LAMB2: variants seen among roughly 807,000 people sequenced by gnomAD.
The protein encoded by LAMB2 is laminin subunit beta 2.
A neutral mutation model predicts 202.7 loss-of-function variants in LAMB2; 119 were observed. That is an observed-to-expected ratio of 0.59 (90% CI 0.51 to 0.68). The LOEUF (loss-of-function observed/expected upper bound fraction) is 0.68. Ranked by LOEUF, LAMB2 falls within the 30% of genes least tolerant of loss-of-function variation. The probability of loss-of-function intolerance (pLI) is 0.00; values close to 1 mark genes in which losing one functional copy is unlikely to be tolerated. For synonymous variants in LAMB2, 818 were observed against 902.2 expected (o/e 0.91, Z 1.67); for missense variants, 2,124 against 2,410.6 (o/e 0.88, Z 2.49).
Position 49,128,695 on chromosome 3 carries a change from A to G in LAMB2, c.1856T>C (p.Met619Thr). 1.9e-6 allele frequency: 3 copies of G among 1,614,204 alleles called. No individual in the cohort carries two copies. Among genetic ancestry groups the G allele is most frequent in the South Asian group, 1.1e-5 (1 of 91,088 alleles). ...TAAGCGCAGCAGCAGGTCATAGTCC[A>G]TAGCCTTCGGCACAGAGGCCACCAG... ...EFLVASVPKAMDYDLLLRLEP... is the reference protein window; with the variant it reads ...EFLVASVPKATDYDLLLRLEP... Residue 619 changes from methionine to threonine, a missense_variant, in exon 14 of 32, where the codon ATG becomes ACG. Transcript: ENST00000305544.
Position 49,129,628 on chromosome 3 carries a change from A to T in LAMB2, c.1494T>A (p.Thr498=). ...CCAGGCAGCGGTCACATCCACGTCC[A>T]GTCACTAGACGTTTGCAGTAACAGG... The part of the protein sequence containing the change: ...SGSCYCKRLV[T]GRGCDRCLPG... The change falls in exon 11 of 32, where the codon ACT becomes ACA. Residue 498 remains threonine, a synonymous_variant. Coordinates refer to ENST00000305544, the MANE Select transcript of LAMB2 (RefSeq NM_002292.4). The surrounding 1 kb of genome is among the most constrained non-coding windows in gnomAD (Gnocchi z 6.1). 6.2e-7 allele frequency: 1 copy of T among 1,614,050 alleles called. No homozygotes were observed. Among genetic ancestry groups the T allele is most frequent in the Non-Finnish European group, 8.5e-7 (1 of 1,179,900 alleles).
rs1289170459 is a variant in LAMB2, at chr3:49,131,245, C to A, written c.713-93G>T. On this transcript the variant is annotated intron_variant, in intron 6 of 31. Transcript: ENST00000305544. The surrounding 1 kb of genome is among the most constrained non-coding windows in gnomAD (Gnocchi z 5.0). ...CAGCTGCCAAGGTCACCTTGAAAGA[C>A]CTCCTATACACTGCCACCCGAGCTA... The A allele has an allele frequency of 1.4e-6, 2 of 1,474,222 alleles. No homozygotes were observed. Among genetic ancestry groups the A allele is most frequent in the African/African-American group, 2.8e-5 (2 of 71,776 alleles). 91.3% of individuals were successfully genotyped at this position (1,474,222 alleles called of 1,614,324 possible). A position where few individuals can be genotyped will look rare whatever the true frequency, so the allele number is the denominator to read the frequency against.
Position 49,122,893 on chromosome 3 carries a change from C to A in LAMB2, c.4384G>T (p.Glu1462Ter), listed in dbSNP as rs759732293. 2 of 1,610,228 alleles carry A rather than the reference C, an allele frequency of 1.2e-6. No homozygotes were observed. The highest frequency in any genetic ancestry group is 1.7e-6 in the Non-Finnish European group (2 of 1,180,012). Reference protein sequence around the residue: ...ALGRARHTQAELQRALAEGGS... With the variant: ...ALGRARHTQA The stretch of plus-strand genomic sequence containing the variant: ...CCTTCTGCCAGTGCCCGCTGCAGCT[C>A]TGCCTGTGTGTGCCGGGCCCGGCCC... Residue 1462 changes from glutamate (E) to a stop codon, truncating the protein, a stop_gained, in exon 27 of 32, where the codon GAG (glutamate) becomes TAG (stop). Transcript: ENST00000305544. LOFTEE classifies it high-confidence loss of function.
Position 49,132,299 on chromosome 3 carries a change from C to T in LAMB2, c.356G>A (p.Arg119Gln), listed in dbSNP as rs752886136. The change falls in exon 3 of 32, where the codon CGG becomes CAG. Residue 119 changes from arginine (R) to glutamine (Q), a missense_variant. This residue lies in a region of LAMB2 where 166 missense variants were observed against 158.2 expected (regional missense o/e 1.05). Transcript: ENST00000305544. The surrounding 1 kb of genome is among the most constrained non-coding windows in gnomAD (Gnocchi z 4.6). The stretch of plus-strand genomic sequence containing the variant: ...CTCTGACTGCCACCAGGCTGCCCGC[C>T]GCTGTGGTGCAAAGCTGGTGACTAC... ...QNVVTSFAPQRRAAWWQSENG... is the reference protein window; with the variant it reads ...QNVVTSFAPQQRAAWWQSENG... The T allele has an allele frequency of 2.5e-6, 4 of 1,614,250 alleles. No homozygotes were observed. The highest frequency in any genetic ancestry group is 1.1e-5 in the South Asian group (1 of 91,086).
At position 49,121,803 on chromosome 3, in the gene LAMB2, G is replaced by T. The variant is rs746299540; in HGVS notation, c.4981C>A (p.Arg1661=). The T allele has an allele frequency of 6.2e-7, 1 of 1,613,036 alleles. No individual in the cohort carries two copies. Reference sequence around the variant, plus strand: ...GCCTCCAGGAGAGCATCCAACTGCCGAGCCCTTTCACCTGCAGAGCTCAGT... The same window carrying T: ...GCCTCCAGGAGAGCATCCAACTGCCTAGCCCTTTCACCTGCAGAGCTCAGT... ...RALSSAGERA[R]QLDALLEALK... is the part of the protein sequence containing the mutation. The change falls in exon 30 of 32, where the codon CGG becomes AGG. Residue 1661 remains arginine, a synonymous_variant. Transcript: ENST00000305544.
intron 15 of LAMB2, among the ~76,000 whole-genome samples, chr3:49,128,018 C>CAAAAAAAAAAAAAAAAAAAAAAAAAAAA (rs1156873652): frequency 3.4e-4 from 11 of 32,780 alleles, no homozygotes; most frequent in Middle Eastern, 0.017. Context: ...GACTCCGTCT[C>CAAAAAAAAAAAAAAAAAAAAAAAAAAAA]AAAAAAAAAA....
At position 49,121,197 on chromosome 3, in the gene LAMB2, T is replaced by G. The variant is rs1310637791; in HGVS notation, c.*29A>C. The stretch of plus-strand genomic sequence containing the variant: ...GGCAGACATGCATGTGGGGCAGTGC[T>G]AGGAACTGGGGTAGGCCTTGGGCAG... On this transcript the variant is annotated 3_prime_UTR_variant, in exon 32 of 32. Coordinates refer to ENST00000305544, the MANE Select transcript of LAMB2 (RefSeq NM_002292.4). 1 of 1,611,706 alleles carries G rather than the reference T, an allele frequency of 6.2e-7. No individual in the cohort carries two copies. Among genetic ancestry groups the G allele is most frequent in the Non-Finnish European group, 8.5e-7 (1 of 1,179,916 alleles).
rs772817511 is a variant in LAMB2, at chr3:49,123,487, G to A, written c.3942C>T (p.Leu1314=). Residue 1314 remains leucine, a synonymous_variant, in exon 25 of 32, where the codon CTC becomes CTT. Transcript: ENST00000305544. ...GTTTGAGCAAGTCAAGATGCTGGTC[G>A]AGCTGCCGCAGTGTGAGATTAAGTG... is the stretch of plus-strand genomic sequence containing the variant. ...RLALNLTLRQ[L]DQHLDLLKHS... The A allele has an allele frequency of 3.8e-5, 62 of 1,614,048 alleles. No homozygotes were observed. The highest frequency in any genetic ancestry group is 4.9e-5 in the Non-Finnish European group (58 of 1,180,054).
Position 49,124,397 on chromosome 3 carries a change from C to G in LAMB2, c.3325G>C (p.Glu1109Gln). ...PSRARGPTCN[E>Q]FTGQCHCRAG... ...GGATCTGCAGGAGGGTCCCATACCT[C>G]GTTGCAGGTGGGGCCTCTGGCCCGG... The change falls in exon 22 of 32, where the codon GAG becomes CAG. Residue 1109 changes from glutamate (E) to glutamine (Q), a missense_variant and splice_region_variant. Physicochemically the swap from Glu to Gln is conservative, Grantham distance 29. Coordinates refer to ENST00000305544, the MANE Select transcript of LAMB2 (RefSeq NM_002292.4). The G allele has an allele frequency of 6.2e-7, 1 of 1,613,520 alleles. No homozygotes were observed. The highest frequency in any genetic ancestry group is 1.1e-5 in the South Asian group (1 of 91,078).
rs1553778039 is a variant in LAMB2, at chr3:49,124,530, C to T, written c.3192G>A (p.Gln1064=). Residue 1064 remains glutamine, a synonymous_variant, in exon 22 of 32, where the codon CAG becomes CAA. Coordinates refer to ENST00000305544, the MANE Select transcript of LAMB2 (RefSeq NM_002292.4). The part of the protein sequence containing the change: ...DQCHCDPSSG[Q]CPCLPNVQGP... ...CCTGGACATTGGGGAGGCATGGGCA[C>T]TGCCCACTGCTTGGATCACAGTGGC... The T allele has an allele frequency of 6.2e-7, 1 of 1,613,724 alleles. No homozygotes were observed. Among genetic ancestry groups the T allele is most frequent in the Non-Finnish European group, 8.5e-7 (1 of 1,180,032 alleles).
At chr3:49,126,608 T>A (rs1189237310) in intron 15 of LAMB2, 111 bp from the exon 16 acceptor site, 3 of 1,441,840 alleles carry the variant, frequency 2.1e-6, no homozygotes, top group African/African-American at 1.4e-5. Flanking sequence ...AAGCAGAGAC[T>A]ATGGCTGGGT....
chr3:49,123,719 C>T lies in LAMB2; in HGVS notation c.3797+9G>A. 2 of 1,613,558 alleles carry T rather than the reference C, an allele frequency of 1.2e-6. No individual in the cohort carries two copies. Among genetic ancestry groups the T allele is most frequent in the Non-Finnish European group, 8.5e-7 (1 of 1,180,036 alleles). On this transcript the variant is annotated intron_variant, in intron 24 of 31. Transcript: ENST00000305544. The stretch of plus-strand genomic sequence containing the variant: ...CCATCCCACCATGTATTCTTAGGCC[C>T]TTCCGCACCGCAGCTCCTCTGTGGC...
At position 49,132,573 on chromosome 3, in the gene LAMB2, A is replaced by G; in HGVS notation, c.167T>C (p.Val56Ala). The G allele has an allele frequency of 6.2e-7, 1 of 1,613,784 alleles. No homozygotes were observed. The highest frequency in any genetic ancestry group is 8.5e-7 in the Non-Finnish European group (1 of 1,180,036). Residue 56 changes from valine to alanine, a missense_variant, in exon 2 of 32, where the codon GTG (valine) becomes GCG (alanine). Transcript: ENST00000305544. The surrounding 1 kb of genome is among the most constrained non-coding windows in gnomAD (Gnocchi z 4.6). The stretch of plus-strand genomic sequence containing the variant: ...GGCAGTCAGTCTGTCAGCTCGGCCC[A>G]CCAGCAGGTCGCCCGTGGCGGGGTA... Reference protein sequence around the residue: ...SCYPATGDLLVGRADRLTASS... With the variant: ...SCYPATGDLLAGRADRLTASS...
At chr3:49,121,405 C>T in intron 31 of LAMB2, 28 bp downstream of exon 31, 1 of 1,614,132 alleles carries the variant, frequency 6.2e-7, no homozygotes, top group Non-Finnish European at 8.5e-7. Flanking sequence ...TTCCCGCAGT[C>T]TTGTGTCTCT....
At position 49,122,969 on chromosome 3, in the gene LAMB2, G is replaced by A. The variant is rs746450659; in HGVS notation, c.4308C>T (p.Arg1436=). The change falls in exon 27 of 32, where the codon CGC becomes CGT. Residue 1436 remains arginine, a synonymous_variant. Coordinates refer to ENST00000305544, the MANE Select transcript of LAMB2 (RefSeq NM_002292.4). Reference sequence around the variant, plus strand: ...CCCCATTGCAGCTGAGGCCCCCACAGCGCGGCTGCCCATCCTCATCTCGAC... The same window carrying A: ...CCCCATTGCAGCTGAGGCCCCCACAACGCGGCTGCCCATCCTCATCTCGAC... ...AGCRDEDGQP[R]CGGLSCNGAA... 15 of 1,608,720 alleles carry A rather than the reference G, an allele frequency of 9.3e-6. No homozygotes were observed. The highest frequency in any genetic ancestry group is 1.3e-5 in the African/African-American group (1 of 74,930).
At position 49,132,394 on chromosome 3, in the gene LAMB2, C is replaced by T. The variant is rs149408554; in HGVS notation, c.261G>A (p.Lys87=). ...GGCGCCGGGAGTCACAAAGGAAGCACTTCTTTTCGTCCTGGGTTGGATGGG... is the reference window on the plus strand; with the variant it reads ...GGCGCCGGGAGTCACAAAGGAAGCATTTCTTTTCGTCCTGGGTTGGATGGG... ...CIVSHLQDEK[K]CFLCDSRRPF... is the part of the protein sequence containing the mutation. Residue 87 remains lysine (K), a synonymous_variant, in exon 3 of 32, where the codon AAG becomes AAA. Coordinates refer to ENST00000305544, the MANE Select transcript of LAMB2 (RefSeq NM_002292.4). This position sits in a 1 kb window ranked among gnomAD's most constrained non-coding sequence, Gnocchi z 4.6. 4.8e-4 allele frequency: 777 copies of T among 1,614,238 alleles called. 5 individuals carry two copies. In the African/African-American group the frequency reaches 9.2e-3, roughly 19 times the overall value.
chr3:49,129,010 G>A lies in LAMB2; in HGVS notation c.1731+10C>T, dbSNP rs369068878. The A allele has an allele frequency of 6.2e-7, 1 of 1,607,078 alleles. No individual in the cohort carries two copies. Among genetic ancestry groups the A allele is most frequent in the Non-Finnish European group, 8.5e-7 (1 of 1,179,984 alleles). The stretch of plus-strand genomic sequence containing the variant: ...ACATCCAGCCCTCTGCTTAGGGGGA[G>A]GCCCCACACCTGCCCTCGGGTGTCC... On this transcript the variant is annotated intron_variant, in intron 13 of 31. Coordinates refer to ENST00000305544, the MANE Select transcript of LAMB2 (RefSeq NM_002292.4). The surrounding 1 kb of genome is among the most constrained non-coding windows in gnomAD (Gnocchi z 6.1).
chr3:49,129,978 G>A lies in LAMB2; in HGVS notation c.1266C>T (p.Arg422=). Residue 422 remains arginine, a synonymous_variant, in exon 10 of 32, where the codon CGC becomes CGT. Coordinates refer to ENST00000305544, the MANE Select transcript of LAMB2 (RefSeq NM_002292.4). The surrounding 1 kb of genome is among the most constrained non-coding windows in gnomAD (Gnocchi z 6.1). ...CDPMGSQDGG[R]CDSHDDPALG... is the part of the protein sequence containing the mutation. ...GTGCAGGGTCATCATGGGAATCACAGCGACCACCGTCTTGAGAACCCATGG... is the reference window on the plus strand; with the variant it reads ...GTGCAGGGTCATCATGGGAATCACAACGACCACCGTCTTGAGAACCCATGG... 1 of 1,614,058 alleles carries A rather than the reference G, an allele frequency of 6.2e-7. No homozygotes were observed. The highest frequency in any genetic ancestry group is 8.5e-7 in the Non-Finnish European group (1 of 1,180,022).
chr3:49,129,927 G>C lies in LAMB2; in HGVS notation c.1317C>G (p.Arg439=). Residue 439 remains arginine, a synonymous_variant, in exon 10 of 32, where the codon CGC becomes CGG. Transcript: ENST00000305544. This position sits in a 1 kb window ranked among gnomAD's most constrained non-coding sequence, Gnocchi z 6.1. ...GAGTGCCCACCACATGTTCTTTGCA[G>C]CGACACTGGCCGGAGACCAGTCCCA... ...PALGLVSGQC[R]CKEHVVGTRC... is the part of the protein sequence containing the mutation. 6.2e-7 allele frequency: 1 copy of C among 1,614,078 alleles called. No individual in the cohort carries two copies.
Sources: gnomAD v4.1 joint callset for allele counts (sites outside exome capture counted in the v4.1 genomes callset) on GRCh38, gnomAD v4.1.1 for gene constraint, gnomAD v4.1.1 regional missense constraint, Gnocchi (gnomAD v3.1) non-coding constraint, MANE v1.5 for transcripts, NCBI Gene and HGNC (gene_info 2026-07-23, HGNC 2026-07-21) for gene names.